The following ABCA12 variants were observed in gnomAD, a reference collection of about 807,000 sequenced individuals.
ABCA12 encodes the protein glucosylceramide transporter ABCA12.
A neutral mutation model predicts 293.5 loss-of-function variants in ABCA12; 156 were observed. The observed-to-expected ratio is 0.53, with a 90% CI of 0.47 to 0.61. The LOEUF (loss-of-function observed/expected upper bound fraction) is 0.61, where lower values mean the gene tolerates loss of function less well. ABCA12 is among the 20% of genes least tolerant of loss of function. The pLI, the probability that ABCA12 is intolerant of heterozygous loss-of-function variation, is 0.00. For missense variants in ABCA12, 2,797 were observed against 3,090.2 expected (o/e 0.91, Z 2.25); for synonymous variants, 1,063 against 1,108.0 (o/e 0.96, Z 0.81).
intron 7 of ABCA12, among the ~76,000 whole-genome samples, chr2:215,044,086 C>A (rs1176612765): frequency 2.0e-5 from 3 of 151,992 alleles, no homozygotes; most frequent in Non-Finnish European, 4.4e-5. Flanking sequence ...ATTTGATTAC[C>A]TGGCTCCACT....
intron 3 of ABCA12, among the ~76,000 whole-genome samples, chr2:215,061,417 G>A (rs978258744): frequency 6.6e-6 from 1 of 151,958 alleles, no homozygotes; most frequent in African/African-American, 2.4e-5. Context: ...GCCTCTTTTG[G>A]TGAGACCAAA....
chr2:214,983,537 T>G, intron 29 of ABCA12, 110 bp downstream of exon 29: 3 of 984,476 alleles, frequency 3.0e-6, no homozygotes, highest in Non-Finnish European at 4.8e-6. Flanking sequence ...AAAGTAATTA[T>G]TTCGTGAGAA....
At position 215,125,301 on chromosome 2, in the gene ABCA12, A is replaced by T. The variant is rs117074819; in HGVS notation, c.69+12839T>A. 3.8e-4 allele frequency among the ~76,000 whole-genome samples: 58 copies of T among 152,246 alleles called. No individual in the cohort carries two copies. In the East Asian group the frequency reaches 0.011, roughly 28 times the overall value. On this transcript the variant is annotated intron_variant, in intron 1 of 52. Transcript: ENST00000272895. The stretch of plus-strand genomic sequence containing the variant: ...GGCTATGTGGGCTTTTTGGTTCCAT[A>T]TGAATTTTAGAATTACTTTTTCTAA...
At chr2:215,136,983 C>T (rs920520815) in intron 1 of ABCA12, among the ~76,000 whole-genome samples, 3 of 152,050 alleles carry the variant, frequency 2.0e-5, no homozygotes, top group Non-Finnish European at 2.9e-5. Flanking sequence ...CCTTTCCCTG[C>T]TTATGCCACA....
intron 34 of ABCA12, 149 bp from the exon 35 acceptor site, chr2:214,975,013 A>T: frequency 1.4e-6 from 1 of 702,990 alleles, no homozygotes; most frequent in Non-Finnish European, 2.5e-6. Flanking sequence ...CCCAGGCTGG[A>T]GTGCAGTAGT....
In ABCA12 at chr2:214,974,818, A is replaced by G. The variant is rs1370546207; in HGVS notation, c.5428T>C (p.Phe1810Leu). 1 of 1,614,134 alleles carries G rather than the reference A, an allele frequency of 6.2e-7. No individual in the cohort carries two copies. Among genetic ancestry groups the G allele is most frequent in the Admixed American group, 1.7e-5 (1 of 60,010 alleles). The change falls in exon 35 of 53, where the codon TTC becomes CTC. Residue 1810 changes from phenylalanine (F) to leucine (L), a missense_variant. Coordinates refer to ENST00000272895, the MANE Select transcript of ABCA12 (RefSeq NM_173076.3). Reference sequence around the variant, plus strand: ...AGACACATGTTGTCAATTCCAGGGAAGTCCCACATTGCTGAGACAAGTGCT... The same window carrying G: ...AGACACATGTTGTCAATTCCAGGGAGGTCCCACATTGCTGAGACAAGTGCT... ...TEALVSAMWD[F>L]PGIDNMCLNT...
At chr2:214,937,464 C>G in intron 51 of ABCA12, 46 bp downstream of exon 51, 1 of 1,497,184 alleles carries the variant, frequency 6.7e-7, no homozygotes, top group Non-Finnish European at 9.3e-7. Context: ...TCCCAAAGTG[C>G]TGGGATTACA....
At chr2:214,936,835 TATA>T (rs1698235196) in intron 51 of ABCA12, among the ~76,000 whole-genome samples, 1 of 152,032 alleles carries the variant, frequency 6.6e-6, no homozygotes, top group South Asian at 2.1e-4. Flanking sequence ...ACCTTGGTCA[TATA>T]ATACCTGTCA....
chr2:215,027,006 T>C lies in ABCA12; in HGVS notation c.1062-68A>G, dbSNP rs530377498. The C allele has an allele frequency of 1.4e-5, 16 of 1,168,860 alleles. No homozygotes were observed. The East Asian group carries it at 3.1e-4, about 23-fold the overall frequency. The allele number at this position is 1,168,860 out of a possible 1,614,324, so 72.4% of individuals were successfully genotyped here. On this transcript the variant is annotated intron_variant, in intron 9 of 52. Transcript: ENST00000272895. The stretch of plus-strand genomic sequence containing the variant: ...GTAAAGCAAAGCCGTTTTGTTGAGA[T>C]CATTTTGGTCCCTTGTTTGGCATTG...
Position 214,956,654 on chromosome 2 carries a change from G to A in ABCA12, c.6233+9C>T. 1.3e-6 allele frequency: 2 copies of A among 1,587,398 alleles called. No individual in the cohort carries two copies. The highest frequency in any genetic ancestry group is 1.7e-6 in the Non-Finnish European group (2 of 1,156,088). On this transcript the variant is annotated intron_variant, in intron 42 of 52. Coordinates refer to ENST00000272895, the MANE Select transcript of ABCA12 (RefSeq NM_173076.3). ...TAATTCTTCTTTCATTGCTTAATCA[G>A]CAGCTTACCCAAACAGGAGAAGTAG...
intron 51 of ABCA12, among the ~76,000 whole-genome samples, chr2:214,934,664 AG>A (rs1209880591): frequency 6.6e-6 from 1 of 152,164 alleles, no homozygotes; most frequent in Non-Finnish European, 1.5e-5. Context: ...AAAGCATTGA[AG>A]CTCCTTCAAA....
intron 40 of ABCA12, among the ~76,000 whole-genome samples, chr2:214,958,817 G>T (rs767360219): frequency 6.6e-6 from 1 of 152,128 alleles, no homozygotes; most frequent in East Asian, 1.9e-4. Context: ...AGCAGCAAAC[G>T]CTGTGAGTCT....
intron 33 of ABCA12, among the ~76,000 whole-genome samples, chr2:214,977,861 C>A (rs192666839): frequency 1.3e-5 from 2 of 150,630 alleles, no homozygotes; most frequent in Admixed American, 1.3e-4. Flanking sequence ...CCATAAAGAG[C>A]GGCAGCTCCT....
intron 45 of ABCA12, among the ~76,000 whole-genome samples, chr2:214,949,571 T>C (rs533000333): frequency 6.6e-6 from 1 of 152,312 alleles, no homozygotes; most frequent in Admixed American, 6.5e-5. Context: ...AGTTTCTTCG[T>C]ACTGTCAAAT....
chr2:214,997,112 TG>T (rs1173462705), intron 23 of ABCA12, among the ~76,000 whole-genome samples: 7 of 152,340 alleles, frequency 4.6e-5, no homozygotes, highest in Admixed American at 2.0e-4. Flanking sequence ...ATCACACTCC[TG>T]GTTCTGTCTT....
At chr2:215,036,869 T>A in intron 8 of ABCA12, 84 bp downstream of exon 8, 1 of 1,185,232 alleles carries the variant, frequency 8.4e-7, no homozygotes, top group Non-Finnish European at 1.3e-6. Flanking sequence ...CATCTCTACA[T>A]GATTACTTTC....
chr2:214,950,510 A>AC (rs1698731400), intron 45 of ABCA12, among the ~76,000 whole-genome samples: 1 of 140,574 alleles, frequency 7.1e-6, no homozygotes, highest in Non-Finnish European at 1.5e-5. Flanking sequence ...AATAATTAAG[A>AC]TTTTTTTTTT....
chr2:215,075,592 A>G (rs1371342946), intron 2 of ABCA12: 3 of 696,918 alleles, frequency 4.3e-6, no homozygotes, highest in South Asian at 3.0e-5. Flanking sequence ...TCCATCCATC[A>G]CAAGTGTTCC....
intron 19 of ABCA12, among the ~76,000 whole-genome samples, chr2:215,006,360 C>A (rs1428060527): frequency 6.6e-6 from 1 of 151,986 alleles, no homozygotes. Flanking sequence ...GAAAAGGCCA[C>A]TTAAAATGAG....
Sources: gnomAD v4.1 joint callset for allele counts (sites outside exome capture counted in the v4.1 genomes callset) on GRCh38, gnomAD v4.1.1 for gene constraint, MANE v1.5 for transcripts, NCBI Gene and HGNC (gene_info 2026-07-23, HGNC 2026-07-21) for gene names.